The following PBX4 variants were observed in gnomAD, a reference collection of about 807,000 sequenced individuals.
The protein encoded by PBX4 is pre-B-cell leukemia transcription factor 4.
Under a neutral mutation model 35.1 loss-of-function variants are expected in PBX4, and 26 were observed. The ratio of observed to expected loss-of-function variants is 0.74; its 90% confidence interval spans 0.54 to 1.03. PBX4 has a LOEUF of 1.03. PBX4 is among the 50% of genes least tolerant of loss of function. PBX4 has a pLI of 0.00. For missense variants in PBX4, 448 were observed against 504.3 expected, an observed-to-expected ratio of 0.89 and a Z score of 1.07; for synonymous variants, 199 against 204.2, an observed-to-expected ratio of 0.97 and a Z score of 0.22.
At chr19:19,599,030 G>A (rs1357988170) in intron 2 of PBX4, among the ~76,000 whole-genome samples, 3 of 150,982 alleles carry the variant, frequency 2.0e-5, no homozygotes, top group Non-Finnish European at 4.4e-5. Context: ...GTGCAATGGC[G>A]CGATCTTGGC....
intron 2 of PBX4, among the ~76,000 whole-genome samples, chr19:19,598,905 G>A (rs1296964669): frequency 1.3e-5 from 2 of 148,324 alleles, no homozygotes. Context: ...GTCACACACA[G>A]GAAGTGCCTT....
At chr19:19,605,858 T>C (rs973205864) in intron 1 of PBX4, among the ~76,000 whole-genome samples, 2 of 151,778 alleles carry the variant, frequency 1.3e-5, no homozygotes, top group Non-Finnish European at 2.9e-5. Context: ...TTTTTTTTTT[T>C]TTTTTACCAG....
At chr19:19,590,897 T>C (rs1234416780) in intron 2 of PBX4, among the ~76,000 whole-genome samples, 2 of 152,192 alleles carry the variant, frequency 1.3e-5, no homozygotes, top group Non-Finnish European at 2.9e-5. Flanking sequence ...GTTCTAGACC[T>C]TTCTATTATA....
intron 1 of PBX4, among the ~76,000 whole-genome samples, chr19:19,616,644 C>T (rs1405457730): frequency 2.0e-5 from 3 of 151,644 alleles, no homozygotes; most frequent in Admixed American, 6.6e-5. Flanking sequence ...TACTGAGATT[C>T]GTAGGCCCCA....
At chr19:19,578,893 C>G (rs1471631579) in intron 2 of PBX4, among the ~76,000 whole-genome samples, 2 of 152,094 alleles carry the variant, frequency 1.3e-5, no homozygotes, top group Non-Finnish European at 2.9e-5. Context: ...TGGGCAGAGA[C>G]CTCAGGGAGC....
At chr19:19,594,242 C>T (rs1041412747) in intron 2 of PBX4, among the ~76,000 whole-genome samples, 12 of 151,750 alleles carry the variant, frequency 7.9e-5, no homozygotes, top group African/African-American at 2.9e-4. Context: ...CCTGTCTCTA[C>T]TAAATACAAA....
At chr19:19,594,533 TCC>T (rs370084802) in intron 2 of PBX4, among the ~76,000 whole-genome samples, 142 of 152,228 alleles carry the variant, frequency 9.3e-4, no homozygotes, top group African/African-American at 3.3e-3. Context: ...ACTCTTGTTT[TCC>T]CTCCTGAAAC....
rs16996169 is a variant in PBX4, at chr19:19,592,649, C to A, written c.193+6643G>T. Among the ~76,000 whole-genome samples, 1,364 of 152,304 alleles carry A rather than the reference C, an allele frequency of 9.0e-3. 21 individuals carry two copies. Among genetic ancestry groups the A allele is most frequent in the African/African-American group, 0.03 (1,235 of 41,564 alleles). On this transcript the variant is annotated intron_variant, in intron 2 of 7. Transcript: ENST00000251203. ...TAAGTCAGGCCCCCAGACACTGAAT[C>A]TTCTGAACCTCATAAGGGGAACTGG...
chr19:19,566,566 C>T (rs1181407281), intron 5 of PBX4, among the ~76,000 whole-genome samples: 1 of 152,170 alleles, frequency 6.6e-6, no homozygotes, highest in Admixed American at 6.6e-5. Flanking sequence ...ACTCTGTCAC[C>T]CAGGCTGGAG....
Position 19,562,095 on chromosome 19 carries a change from G to A in PBX4, c.1055C>T (p.Ala352Val). The change falls in exon 8 of 8, where the codon GCC (alanine) becomes GTC (valine). Residue 352 changes from alanine to valine, a missense_variant. By Grantham distance (64) the Ala-to-Val change is moderately conservative (BLOSUM62 0). Coordinates refer to ENST00000251203, the MANE Select transcript of PBX4 (RefSeq NM_025245.3). This position sits in a 1 kb window ranked among gnomAD's most constrained non-coding sequence, Gnocchi z 4.8. ...QSQAQGSWQGATPQPATASPA... is the reference protein window; with the variant it reads ...QSQAQGSWQGVTPQPATASPA... ...TGAGGCAGTTGCAGGTTGGGGGGTGGCCCCCTGCCAGCTACCCTGGGCCTG... is the reference window on the plus strand; with the variant it reads ...TGAGGCAGTTGCAGGTTGGGGGGTGACCCCCTGCCAGCTACCCTGGGCCTG... 6.2e-7 allele frequency: 1 copy of A among 1,611,438 alleles called. No individual in the cohort carries two copies. The highest frequency in any genetic ancestry group is 8.5e-7 in the Non-Finnish European group (1 of 1,178,952).
At chr19:19,617,176 A>C (rs2061692975) in intron 1 of PBX4, among the ~76,000 whole-genome samples, 1 of 151,138 alleles carries the variant, frequency 6.6e-6, no homozygotes, top group Non-Finnish European at 1.5e-5. Flanking sequence ...CATTTATTTT[A>C]TTTTTTTCTT....
At chr19:19,606,704 T>G (rs1016636274) in intron 1 of PBX4, 1 of 152,198 alleles carries the variant, frequency 6.6e-6, no homozygotes. Context: ...TATGGCTGGG[T>G]GCCGTGGCTC....
At chr19:19,603,455 C>G (rs1323544436) in intron 1 of PBX4, among the ~76,000 whole-genome samples, 1 of 151,972 alleles carries the variant, frequency 6.6e-6, no homozygotes, top group African/African-American at 2.4e-5. Context: ...ATTACAGGTG[C>G]CCACCACTAC....
At chr19:19,565,921 A>G (rs185214979) in intron 5 of PBX4, among the ~76,000 whole-genome samples, 79 of 152,076 alleles carry the variant, frequency 5.2e-4, no homozygotes, top group Non-Finnish European at 8.8e-4. Context: ...TCTCAGAAAA[A>G]AAAATATATT....
At chr19:19,618,683 CCACTGGCGCCGCAGCCAACCGCCGCTG>C in exon 1 of PBX4, 1 of 1,177,268 alleles carries the variant, frequency 8.5e-7, no homozygotes, top group African/African-American at 1.6e-5. Context: ...TGGAGCACTA[CCACTGGCGCCGCAGCCAACCGCCGCTG>C]CCTGAGCGCC....
chr19:19,572,985 G>C (rs1432688974), intron 2 of PBX4, among the ~76,000 whole-genome samples: 1 of 151,224 alleles, frequency 6.6e-6, no homozygotes, highest in Admixed American at 6.6e-5. Context: ...CAGATCCAAG[G>C]ACTGACCACA....
At chr19:19,586,719 CAGG>C (rs2061491240) in intron 2 of PBX4, among the ~76,000 whole-genome samples, 1 of 151,824 alleles carries the variant, frequency 6.6e-6, no homozygotes, top group South Asian at 2.1e-4. Context: ...GCCACGAAGT[CAGG>C]AGATCAGGAT....
chr19:19,573,724 T>A (rs1485083338), intron 2 of PBX4, among the ~76,000 whole-genome samples: 1 of 147,962 alleles, frequency 6.8e-6, no homozygotes, highest in African/African-American at 2.4e-5. Context: ...GCAACTCTAT[T>A]TTCCTTTTTT....
intron 6 of PBX4, among the ~76,000 whole-genome samples, chr19:19,564,565 T>A (rs1486110788): frequency 6.6e-6 from 1 of 152,020 alleles, no homozygotes; most frequent in Non-Finnish European, 1.5e-5. Flanking sequence ...GCCGGGCTAA[T>A]TTTTTTTGTA....
Sources: gnomAD v4.1 joint callset for allele counts (sites outside exome capture counted in the v4.1 genomes callset) on GRCh38, gnomAD v4.1.1 for gene constraint, Gnocchi (gnomAD v3.1) non-coding constraint, MANE v1.5 for transcripts, NCBI Gene and HGNC (gene_info 2026-07-23, HGNC 2026-07-21) for gene names.